UCHL1: variants seen among roughly 807,000 people sequenced by gnomAD.
The protein encoded by UCHL1 is ubiquitin C-terminal hydrolase L1, also known as ubiquitin carboxyl-terminal hydrolase isozyme L1.
In UCHL1, 5 loss-of-function variants were observed where a neutral mutation model predicts 33.3. That is an observed-to-expected ratio of 0.15 (90% CI 0.08 to 0.32). The LOEUF is 0.32. Among genes scored for constraint, UCHL1 ranks in the 10% least tolerant of loss-of-function variants. The pLI, the probability that UCHL1 is intolerant of heterozygous loss-of-function variation, is 1.00. For synonymous variants in UCHL1, 132 were observed against 108.8 expected, an observed-to-expected ratio of 1.21 and a Z score of -1.33; for missense variants, 236 against 280.0, an observed-to-expected ratio of 0.84 and a Z score of 1.12.
Position 41,264,174 on chromosome 4 carries a change from A to C in UCHL1, c.585+13A>C. On this transcript the variant is annotated intron_variant, in intron 8 of 8. Coordinates refer to ENST00000284440, the MANE Select transcript of UCHL1 (RefSeq NM_004181.5). ...CACCCTGCTGAAGGTCATCTTTGGA[A>C]TGCATCTCTTCTTAATGTGCCTCAC... The C allele has an allele frequency of 6.2e-7, 1 of 1,614,134 alleles. No individual in the cohort carries two copies. Among genetic ancestry groups the C allele is most frequent in the Non-Finnish European group, 8.5e-7 (1 of 1,180,004 alleles).
At position 41,268,431 on chromosome 4, in the gene UCHL1, C is replaced by T; in HGVS notation, c.*358C>T. On this transcript the variant is annotated 3_prime_UTR_variant, in exon 9 of 9. Transcript: ENST00000284440. Reference sequence around the variant, plus strand: ...TAAAACTTTTCTGCTGATAAGATAGCCACAGCTGATTCTCATTTTCTTTTA... The same window carrying T: ...TAAAACTTTTCTGCTGATAAGATAGTCACAGCTGATTCTCATTTTCTTTTA... 2 of 284,114 alleles carry T rather than the reference C, an allele frequency of 7.0e-6. No individual in the cohort carries two copies. Among genetic ancestry groups the T allele is most frequent in the South Asian group, 1.1e-4 (2 of 18,640 alleles). 17.6% of individuals were successfully genotyped at this position (284,114 alleles called of 1,614,324 possible).
At chr4:41,257,223 C>T in intron 2 of UCHL1, 97 bp downstream of exon 2, 1 of 1,591,064 alleles carries the variant, frequency 6.3e-7, no homozygotes, top group Non-Finnish European at 8.6e-7. Flanking sequence ...CCAAGCCGCC[C>T]GCTGCGAGCA....
chr4:41,257,831 T>G (rs1273921501), intron 3 of UCHL1, 94 bp downstream of exon 3: 1 of 1,462,818 alleles, frequency 6.8e-7, no homozygotes. Context: ...CCCCCTCCCC[T>G]GTAGGTGATG....
intron 4 of UCHL1, 133 bp from the exon 5 acceptor site, chr4:41,261,582 C>A: frequency 1.1e-6 from 1 of 930,748 alleles, no homozygotes; most frequent in Non-Finnish European, 1.7e-6. Flanking sequence ...AAAGGTACAG[C>A]TCATCCACAA....
chr4:41,261,631 G>A, intron 4 of UCHL1, 84 bp from the exon 5 acceptor site: 2 of 1,461,796 alleles, frequency 1.4e-6, no homozygotes, highest in Non-Finnish European at 1.9e-6. Context: ...TGCTCAGCAT[G>A]TTCAGCAAAG....
chr4:41,264,143 A>G lies in UCHL1; in HGVS notation c.567A>G (p.Ser189=). The G allele has an allele frequency of 1.2e-6, 2 of 1,614,232 alleles. No homozygotes were observed. Among genetic ancestry groups the G allele is most frequent in the Non-Finnish European group, 1.7e-6 (2 of 1,180,040 alleles). ...MPFPVNHGAS[S]EDTLLKDAAK... ...TTCCGGTGAACCATGGCGCCAGTTCAGAGGACACCCTGCTGAAGGTCATCT... is the reference window on the plus strand; with the variant it reads ...TTCCGGTGAACCATGGCGCCAGTTCGGAGGACACCCTGCTGAAGGTCATCT... The change falls in exon 8 of 9, where the codon TCA becomes TCG. Residue 189 remains serine (S), a synonymous_variant. Transcript: ENST00000284440.
chr4:41,264,879 A>T lies in UCHL1; in HGVS notation c.585+718A>T, dbSNP rs556101790. Among the ~76,000 whole-genome samples the T allele has an allele frequency of 2.6e-5, 4 of 152,334 alleles. No homozygotes were observed. In the East Asian group the frequency reaches 7.7e-4, roughly 29 times the overall value. On this transcript the variant is annotated intron_variant, in intron 8 of 8. Transcript: ENST00000284440. The stretch of plus-strand genomic sequence containing the variant: ...ATATACAAACTGCTATTAAGATATA[A>T]CTATACTTAATTTGAGTAGTAATAG...
Position 41,268,035 on chromosome 4 carries a change from G to T in UCHL1, c.634G>T (p.Val212Phe). 1 of 1,613,706 alleles carries T rather than the reference G, an allele frequency of 6.2e-7. No individual in the cohort carries two copies. Among genetic ancestry groups the T allele is most frequent in the Non-Finnish European group, 8.5e-7 (1 of 1,179,866 alleles). The change falls in exon 9 of 9, where the codon GTC becomes TTC. Residue 212 changes from valine (V) to phenylalanine (F), a missense_variant. By Grantham distance (50) the Val-to-Phe change is conservative. Transcript: ENST00000284440. ...REFTEREQGE[V>F]RFSAVALCKA... Reference sequence around the variant, plus strand: ...ATTCACCGAGCGTGAGCAAGGAGAAGTCCGCTTCTCTGCCGTGGCTCTCTG... The same window carrying T: ...ATTCACCGAGCGTGAGCAAGGAGAATTCCGCTTCTCTGCCGTGGCTCTCTG...
Position 41,256,986 on chromosome 4 carries a change from A to G in UCHL1, c.10A>G (p.Lys4Glu), listed in dbSNP as rs1318950732. 1.2e-6 allele frequency: 2 copies of G among 1,614,216 alleles called. No homozygotes were observed. Among genetic ancestry groups the G allele is most frequent in the Middle Eastern group, 1.7e-4 (1 of 6,046 alleles). Residue 4 changes from lysine (K) to glutamate (E), a missense_variant, in exon 1 of 9, where the codon AAG becomes GAG. Coordinates refer to ENST00000284440, the MANE Select transcript of UCHL1 (RefSeq NM_004181.5). ...CGGGCGCTCCGCGAAGATGCAGCTCAAGCCGATGGAGATCAACCCCGAGGT... is the reference window on the plus strand; with the variant it reads ...CGGGCGCTCCGCGAAGATGCAGCTCGAGCCGATGGAGATCAACCCCGAGGT... MQLKPMEINPEMLN... is the reference protein window; with the variant it reads MQLEPMEINPEMLN...
chr4:41,257,770 C>T (rs752246660), intron 3 of UCHL1, 33 bp downstream of exon 3: 4 of 1,545,470 alleles, frequency 2.6e-6, no homozygotes, highest in Non-Finnish European at 3.5e-6. Context: ...CGCCGGCCGC[C>T]GGCAGTGCAC....
At chr4:41,262,370 C>T (rs1328682196) in intron 6 of UCHL1, among the ~76,000 whole-genome samples, 1 of 152,058 alleles carries the variant, frequency 6.6e-6, no homozygotes, top group East Asian at 1.9e-4. Context: ...TGCTTGAGCC[C>T]TAGAGGCAGA....
Position 41,268,101 on chromosome 4 carries a change from T to G in UCHL1, c.*28T>G. ...CTCTGTGGGAGGGACTTTGCTGATT[T>G]CCCCTCTTCCCTTCAACATGAAAAT... On this transcript the variant is annotated 3_prime_UTR_variant, in exon 9 of 9. Transcript: ENST00000284440. 6.3e-7 allele frequency: 1 copy of G among 1,599,712 alleles called. No individual in the cohort carries two copies. The highest frequency in any genetic ancestry group is 8.6e-7 in the Non-Finnish European group (1 of 1,168,938).
chr4:41,257,473 T>A (rs1780997618), intron 2 of UCHL1, 136 bp from the exon 3 acceptor site: 2 of 1,186,816 alleles, frequency 1.7e-6, no homozygotes, highest in Admixed American at 8.1e-5. Context: ...CGGGTGGGGG[T>A]GGCAGGGCGG....
In UCHL1 at chr4:41,257,684, T is replaced by C; in HGVS notation, c.121T>C (p.Ser41Pro). The change falls in exon 3 of 9, where the codon TCG (serine) becomes CCG (proline). Residue 41 changes from serine to proline, a missense_variant. Transcript: ENST00000284440. ...VLGLEEESLG[S>P]VPAPACALLL... ...GGGGCTGGAAGAGGAGTCTCTGGGCTCGGTGCCAGCGCCTGCCTGCGCGCT... is the reference window on the plus strand; with the variant it reads ...GGGGCTGGAAGAGGAGTCTCTGGGCCCGGTGCCAGCGCCTGCCTGCGCGCT... 7 of 1,576,340 alleles carry C rather than the reference T, an allele frequency of 4.4e-6. No homozygotes were observed. Among genetic ancestry groups the C allele is most frequent in the Non-Finnish European group, 5.2e-6 (6 of 1,164,486 alleles).
In UCHL1 at chr4:41,263,109, A is replaced by C. The variant is rs955918519; in HGVS notation, c.460-116A>C. 4 of 798,032 alleles carry C rather than the reference A, an allele frequency of 5.0e-6. No individual in the cohort carries two copies. The African/African-American group carries it at 5.1e-5, about 10-fold the overall frequency. The allele number at this position is 798,032 out of a possible 1,614,324, so 49.4% of individuals were successfully genotyped here. ...GGGCTTAATGTAAGACATACATTAA[A>C]TATTAGCTATAATTTCTAAAAATCA... is the stretch of plus-strand genomic sequence containing the variant. On this transcript the variant is annotated intron_variant, in intron 6 of 8. Coordinates refer to ENST00000284440, the MANE Select transcript of UCHL1 (RefSeq NM_004181.5).
In UCHL1 at chr4:41,268,153, GCTT is replaced by G. The variant is rs2154087379; in HGVS notation, c.*82_*84del. On this transcript the variant is annotated 3_prime_UTR_variant, in exon 9 of 9. Coordinates refer to ENST00000284440, the MANE Select transcript of UCHL1 (RefSeq NM_004181.5). ...TATACCCCCCCATGCAGTCTAAAATGCTTCAGTACTTGTGAAACACAGCTGTTC... is the reference window on the plus strand; with the variant it reads ...TATACCCCCCCATGCAGTCTAAAATGCAGTACTTGTGAAACACAGCTGTTC... 1 of 1,329,158 alleles carries G rather than the reference GCTT, an allele frequency of 7.5e-7. No homozygotes were observed. Among genetic ancestry groups the G allele is most frequent in the African/African-American group, 1.4e-5 (1 of 69,388 alleles). 82.3% of individuals were successfully genotyped at this position (1,329,158 alleles called of 1,614,324 possible).
At chr4:41,262,166 A>G (rs968528303) in intron 6 of UCHL1, among the ~76,000 whole-genome samples, 7 of 152,228 alleles carry the variant, frequency 4.6e-5, no homozygotes, top group African/African-American at 1.7e-4. Flanking sequence ...GTTTAGATCC[A>G]AATGAGTCTT....
intron 3 of UCHL1, among the ~76,000 whole-genome samples, chr4:41,258,809 G>A (rs1781025152): frequency 6.6e-6 from 1 of 152,188 alleles, no homozygotes; most frequent in African/African-American, 2.4e-5. Context: ...CAGCTAATAA[G>A]ATGATCTCAC....
chr4:41,268,102 C>T lies in UCHL1; in HGVS notation c.*29C>T. On this transcript the variant is annotated 3_prime_UTR_variant, in exon 9 of 9. Coordinates refer to ENST00000284440, the MANE Select transcript of UCHL1 (RefSeq NM_004181.5). ...TCTGTGGGAGGGACTTTGCTGATTTCCCCTCTTCCCTTCAACATGAAAATA... is the reference window on the plus strand; with the variant it reads ...TCTGTGGGAGGGACTTTGCTGATTTTCCCTCTTCCCTTCAACATGAAAATA... The T allele has an allele frequency of 6.3e-7, 1 of 1,598,586 alleles. No individual in the cohort carries two copies. The highest frequency in any genetic ancestry group is 8.6e-7 in the Non-Finnish European group (1 of 1,167,966).
Sources: allele counts gnomAD v4.1 joint callset (sites outside exome capture counted in the v4.1 genomes callset), GRCh38; gene constraint gnomAD v4.1.1; transcripts MANE v1.5; gene names NCBI Gene and HGNC (gene_info 2026-07-23, HGNC 2026-07-21).